The following FARS2 variants were observed in gnomAD, a reference collection of about 807,000 sequenced individuals.
FARS2 encodes the protein phenylalanine--tRNA ligase, mitochondrial.
In FARS2, 40 loss-of-function variants were observed where a neutral mutation model predicts 46.4. That is an observed-to-expected ratio of 0.86 (90% CI 0.67 to 1.12). FARS2 has a LOEUF of 1.12. Ranked by LOEUF, FARS2 falls within the 50% of genes most tolerant of loss-of-function variation. The pLI, the probability that FARS2 is intolerant of heterozygous loss-of-function variation, is 0.00. For synonymous variants in FARS2, 234 were observed against 214.9 expected (o/e 1.09, Z -0.78); for missense variants, 513 against 567.9 (o/e 0.90, Z 0.98).
chr6:5,333,047 A>G (rs1159347317), intron 1 of FARS2, among the ~76,000 whole-genome samples: 4 of 152,190 alleles, frequency 2.6e-5, no homozygotes, highest in Non-Finnish European at 5.9e-5. Flanking sequence ...TTGTCTTGGC[A>G]TTGGTAACCT....
chr6:5,329,007 A>G (rs921333382), intron 1 of FARS2, among the ~76,000 whole-genome samples: 1 of 152,018 alleles, frequency 6.6e-6, no homozygotes, highest in African/African-American at 2.4e-5. Context: ...TCTTATCTCT[A>G]TAACTTTCCA....
intron 3 of FARS2, among the ~76,000 whole-genome samples, chr6:5,415,247 G>A (rs1762159603): frequency 6.6e-6 from 1 of 150,774 alleles, no homozygotes; most frequent in Non-Finnish European, 1.5e-5. Context: ...TGTAATTTTA[G>A]CCATTCTGAT....
rs374383032 is a variant in FARS2 at position 5,407,672 on chromosome 6, T to C, written c.772+2971T>C. On this transcript the variant is annotated intron_variant, in intron 3 of 6. Transcript: ENST00000274680. ...TTGATAAAACTGAATAATGAGTATA[T>C]GGGTGGTTGCTATTTTCTCTTCCTG... Among the ~76,000 whole-genome samples the C allele has an allele frequency of 8.5e-5, 13 of 152,214 alleles. No homozygotes were observed. The South Asian group carries it at 2.1e-3, about 24-fold the overall frequency.
chr6:5,333,764 G>C (rs1447734944), intron 1 of FARS2, among the ~76,000 whole-genome samples: 1 of 152,182 alleles, frequency 6.6e-6, no homozygotes, highest in Non-Finnish European at 1.5e-5. Context: ...TCGCTAGCCA[G>C]GTGTTAGACC....
chr6:5,323,065 T>C (rs1011622982), intron 1 of FARS2, among the ~76,000 whole-genome samples: 2 of 152,322 alleles, frequency 1.3e-5, no homozygotes, highest in Non-Finnish European at 1.5e-5. Context: ...AACAATTAAA[T>C]CTGTGTTTTC....
intron 3 of FARS2, among the ~76,000 whole-genome samples, chr6:5,416,067 G>A (rs1762222057): frequency 6.6e-6 from 1 of 152,174 alleles, no homozygotes; most frequent in Non-Finnish European, 1.5e-5. Context: ...TTTGTGGGAT[G>A]TGGGATTTGC....
chr6:5,596,090 T>C (rs1774182124), intron 5 of FARS2, among the ~76,000 whole-genome samples: 1 of 152,230 alleles, frequency 6.6e-6, no homozygotes, highest in African/African-American at 2.4e-5. Flanking sequence ...ATTAGTCTTA[T>C]TCTGTAGGAG....
At chr6:5,605,355 A>G (rs115360401) in intron 5 of FARS2, among the ~76,000 whole-genome samples, 2,816 of 152,294 alleles carry the variant, frequency 0.018, 92 homozygotes, top group African/African-American at 0.063. Flanking sequence ...CCTCTGATCT[A>G]GAAGGGAGGC....
chr6:5,588,135 AG>A (rs960974359), intron 5 of FARS2, among the ~76,000 whole-genome samples: 22 of 152,038 alleles, frequency 1.4e-4, no homozygotes, highest in African/African-American at 5.3e-4. Context: ...TTCTACCCCA[AG>A]GCAGCCATAT....
At chr6:5,570,480 T>C (rs1772577307) in intron 5 of FARS2, among the ~76,000 whole-genome samples, 1 of 152,246 alleles carries the variant, frequency 6.6e-6, no homozygotes, top group Admixed American at 6.5e-5. Context: ...TTTTGCATAT[T>C]GTAAGGTAAT....
chr6:5,702,806 A>G (rs116185487), intron 6 of FARS2, among the ~76,000 whole-genome samples: 2,155 of 152,268 alleles, frequency 0.014, 47 homozygotes, highest in African/African-American at 0.049. Flanking sequence ...CATGCCCCCA[A>G]ACATTTAGGA....
chr6:5,685,332 A>G (rs987808275), intron 6 of FARS2, among the ~76,000 whole-genome samples: 7 of 152,136 alleles, frequency 4.6e-5, no homozygotes, highest in Non-Finnish European at 7.4e-5. Flanking sequence ...TCTTCACACT[A>G]AAGTATTGAA....
intron 6 of FARS2, among the ~76,000 whole-genome samples, chr6:5,648,311 G>A (rs1364168098): frequency 2.0e-5 from 3 of 152,176 alleles, no homozygotes; most frequent in Admixed American, 1.3e-4. Context: ...GGCGTCTTAC[G>A]TGGAGCCCTC....
intron 1 of FARS2, among the ~76,000 whole-genome samples, chr6:5,330,955 A>AG (rs1430344908): frequency 6.6e-6 from 1 of 151,892 alleles, no homozygotes; most frequent in Non-Finnish European, 1.5e-5. Flanking sequence ...AAATCCCCAA[A>AG]ATTAGCCAGG....
intron 5 of FARS2, among the ~76,000 whole-genome samples, chr6:5,549,353 C>A (rs1364832123): frequency 1.3e-5 from 2 of 152,112 alleles, no homozygotes; most frequent in African/African-American, 4.8e-5. Flanking sequence ...CACGACAGAC[C>A]CTGGTGTGTG....
chr6:5,768,676 T>C (rs568144998), intron 6 of FARS2, among the ~76,000 whole-genome samples: 5 of 152,348 alleles, frequency 3.3e-5, no homozygotes, highest in African/African-American at 4.8e-5. Context: ...AGCATCCTAA[T>C]GGGCCTGAAG....
chr6:5,407,477 C>A (rs1198866015), intron 3 of FARS2, among the ~76,000 whole-genome samples: 1 of 152,062 alleles, frequency 6.6e-6, no homozygotes, highest in Non-Finnish European at 1.5e-5. Context: ...ACTAGCTAAT[C>A]TTCTGTATTT....
intron 2 of FARS2, among the ~76,000 whole-genome samples, chr6:5,372,394 A>G (rs1759117757): frequency 6.6e-6 from 1 of 152,170 alleles, no homozygotes; most frequent in Non-Finnish European, 1.5e-5. Flanking sequence ...AGAACCATGC[A>G]CATACATGGA....
intron 4 of FARS2, among the ~76,000 whole-genome samples, chr6:5,496,131 T>C (rs1275400594): frequency 6.6e-6 from 1 of 152,208 alleles, no homozygotes; most frequent in African/African-American, 2.4e-5. Flanking sequence ...TATGCCCTTT[T>C]CTTCTTATCT....
Sources: allele counts gnomAD v4.1 joint callset (sites outside exome capture counted in the v4.1 genomes callset), GRCh38; gene constraint gnomAD v4.1.1; transcripts MANE v1.5; gene names NCBI Gene and HGNC (gene_info 2026-07-23, HGNC 2026-07-21).